UGGT2: variants seen among roughly 807,000 people sequenced by gnomAD.
The protein encoded by UGGT2 is UDP-glucose:glycoprotein glucosyltransferase 2.
Under a neutral mutation model 192.1 loss-of-function variants are expected in UGGT2, and 180 were observed. The ratio of observed to expected loss-of-function variants is 0.94; its 90% CI spans 0.83 to 1.06. The LOEUF (loss-of-function observed/expected upper bound fraction) is 1.06, where lower values mean the gene tolerates loss of function less well. Among genes scored for constraint, UGGT2 ranks in the 50% least tolerant of loss-of-function variants. The pLI is 0.00. For missense variants in UGGT2, 1,849 were observed against 1,795.7 expected, an observed-to-expected ratio of 1.03 and a Z score of -0.54; for synonymous variants, 580 against 591.0, an observed-to-expected ratio of 0.98 and a Z score of 0.27.
At chr13:95,911,426 A>C (rs570626068) in intron 20 of UGGT2, among the ~76,000 whole-genome samples, 5 of 152,324 alleles carry the variant, frequency 3.3e-5, no homozygotes, top group Non-Finnish European at 5.9e-5. Context: ...CCACAGAAAT[A>C]CAAACTACCA....
intron 15 of UGGT2, among the ~76,000 whole-genome samples, chr13:95,942,992 G>A (rs1462765742): frequency 6.6e-6 from 1 of 152,056 alleles, no homozygotes; most frequent in Non-Finnish European, 1.5e-5. Context: ...AGCCACTGTT[G>A]AACCACAGTT....
intron 20 of UGGT2, among the ~76,000 whole-genome samples, chr13:95,905,677 C>G: frequency 6.6e-6 from 1 of 152,072 alleles, no homozygotes; most frequent in Non-Finnish European, 1.5e-5. Flanking sequence ...GGTACCAGTA[C>G]CATGCTGTTT....
chr13:95,861,553 T>C (rs532785840), intron 31 of UGGT2, among the ~76,000 whole-genome samples: 1 of 152,194 alleles, frequency 6.6e-6, no homozygotes, highest in Non-Finnish European at 1.5e-5. Context: ...CATTTCATTT[T>C]TGTATAGGCC....
In UGGT2 at chr13:95,947,455, T is replaced by A. The variant is rs2049911492; in HGVS notation, c.1542-283A>T. ...AAAAAGGGTAAATATACTCTTTTTA[T>A]TTTTATTTTTTTTGAGACAAGAGTC... On this transcript the variant is annotated intron_variant, in intron 14 of 38. Coordinates refer to ENST00000376747, the MANE Select transcript of UGGT2 (RefSeq NM_020121.4). Among the ~76,000 whole-genome samples the A allele has an allele frequency of 3.7e-4, 4 of 10,724 alleles. No homozygotes were observed. The South Asian group carries it at 0.012, about 32-fold the overall frequency. 7.0% of individuals were successfully genotyped at this position (10,724 alleles called of 152,430 possible).
At chr13:95,833,165 T>C in intron 37 of UGGT2, 112 bp from the exon 38 acceptor site, 1 of 1,200,180 alleles carries the variant, frequency 8.3e-7, no homozygotes, top group Non-Finnish European at 1.1e-6. Flanking sequence ...AGAGTCCTAC[T>C]AAGTACTGGA....
At position 95,807,277 on chromosome 13, in the gene UGGT2, T is replaced by A. The variant is rs75450221; in HGVS notation, c.4529-5465A>T. On this transcript the variant is annotated intron_variant, in intron 38 of 38. Coordinates refer to ENST00000376747, the MANE Select transcript of UGGT2 (RefSeq NM_020121.4). ...CTCATTGTCTTCACATTCCGTAGGCTAAGGAAGAGGAGTTGTTAGTTTGGT... is the reference window on the plus strand; with the variant it reads ...CTCATTGTCTTCACATTCCGTAGGCAAAGGAAGAGGAGTTGTTAGTTTGGT... Among the ~76,000 whole-genome samples the A allele has an allele frequency of 5.3e-3, 810 of 152,180 alleles. 2 individuals carry two copies. The highest frequency in any genetic ancestry group is 0.034 in the East Asian group (174 of 5,176).
chr13:95,930,127 G>T (rs2049195683), intron 17 of UGGT2, among the ~76,000 whole-genome samples: 1 of 152,042 alleles, frequency 6.6e-6, no homozygotes, highest in African/African-American at 2.4e-5. Flanking sequence ...TTTTAATGGG[G>T]TTATTTATTC....
At chr13:95,894,489 T>G (rs1418529980) in intron 24 of UGGT2, 73 bp downstream of exon 24, 1 of 1,235,926 alleles carries the variant, frequency 8.1e-7, no homozygotes. Flanking sequence ...AATTTTACCA[T>G]GTTATGAAAA....
At chr13:95,873,673 G>C (rs1277955047) in intron 29 of UGGT2, among the ~76,000 whole-genome samples, 1 of 152,202 alleles carries the variant, frequency 6.6e-6, no homozygotes, top group Non-Finnish European at 1.5e-5. Context: ...TCCAGGATCT[G>C]TAAGTGATAA....
chr13:96,014,303 G>A (rs2052259131), intron 4 of UGGT2, among the ~76,000 whole-genome samples: 1 of 152,040 alleles, frequency 6.6e-6, no homozygotes, highest in Non-Finnish European at 1.5e-5. Context: ...TACTACCTTT[G>A]GATAACAAAT....
chr13:95,990,043 C>T lies in UGGT2; in HGVS notation c.861G>A (p.Leu287=), dbSNP rs372713290. The T allele has an allele frequency of 3.5e-5, 56 of 1,603,488 alleles. No homozygotes were observed. The highest frequency in any genetic ancestry group is 3.7e-5 in the Non-Finnish European group (43 of 1,174,786). ...KEIYSDLRDN[L]TAFQKYLIES... ...CAATCAGGTATTTTTGGAATGCTGTCAGATTATCTCTAAGATCTGAATATA... is the reference window on the plus strand; with the variant it reads ...CAATCAGGTATTTTTGGAATGCTGTTAGATTATCTCTAAGATCTGAATATA... Residue 287 remains leucine, a synonymous_variant, in exon 8 of 39, where the codon CTG becomes CTA. Transcript: ENST00000376747.
chr13:95,950,780 A>C (rs1191591291), intron 12 of UGGT2, among the ~76,000 whole-genome samples: 3 of 152,044 alleles, frequency 2.0e-5, no homozygotes, highest in Non-Finnish European at 4.4e-5. Flanking sequence ...TATAATTAAG[A>C]ACTCTAAGAA....
Position 95,833,062 on chromosome 13 carries a change from T to A in UGGT2, c.4402-9A>T, listed in dbSNP as rs746346693. ...GTTTTGGGATTATTGCACTAAAAGTTTAAGTAAATTTTGTTAATGAAAGAC... is the reference window on the plus strand; with the variant it reads ...GTTTTGGGATTATTGCACTAAAAGTATAAGTAAATTTTGTTAATGAAAGAC... On this transcript the variant is annotated splice_polypyrimidine_tract_variant and intron_variant, in intron 37 of 38. Transcript: ENST00000376747. 6.2e-7 allele frequency: 1 copy of A among 1,610,152 alleles called. No individual in the cohort carries two copies. The highest frequency in any genetic ancestry group is 8.5e-7 in the Non-Finnish European group (1 of 1,177,616).
intron 26 of UGGT2, among the ~76,000 whole-genome samples, chr13:95,885,739 A>C (rs73558628): frequency 0.017 from 2,533 of 152,346 alleles, 72 homozygotes; most frequent in African/African-American, 0.058. Context: ...TAAATGTTCA[A>C]AACAAATTCT....
At chr13:95,941,245 T>A (rs964694543) in intron 15 of UGGT2, among the ~76,000 whole-genome samples, 3 of 152,234 alleles carry the variant, frequency 2.0e-5, no homozygotes, top group African/African-American at 7.2e-5. Flanking sequence ...TGGTCCCAAT[T>A]TACTTATGTC....
chr13:95,812,277 A>G (rs1360557197), intron 38 of UGGT2, among the ~76,000 whole-genome samples: 2 of 152,208 alleles, frequency 1.3e-5, no homozygotes, highest in Admixed American at 6.5e-5. Flanking sequence ...AACCATTTAA[A>G]AATGTAAAAA....
intron 28 of UGGT2, 74 bp downstream of exon 28, chr13:95,877,624 T>A: frequency 6.7e-7 from 1 of 1,497,128 alleles, no homozygotes; most frequent in Non-Finnish European, 9.0e-7. Flanking sequence ...TAAAGATTAT[T>A]TCATTTTACT....
At chr13:95,815,563 A>C (rs1358202738) in intron 38 of UGGT2, among the ~76,000 whole-genome samples, 4 of 152,222 alleles carry the variant, frequency 2.6e-5, no homozygotes, top group African/African-American at 7.2e-5. Flanking sequence ...AAAGACCAAA[A>C]TAAATCAAGA....
chr13:96,029,117 C>A (rs2052753757), intron 2 of UGGT2, among the ~76,000 whole-genome samples: 1 of 152,124 alleles, frequency 6.6e-6, no homozygotes, highest in South Asian at 2.1e-4. Context: ...TGCCACTGAA[C>A]TCCAGCCTGG....
Sources: allele counts gnomAD v4.1 joint callset (sites outside exome capture counted in the v4.1 genomes callset), GRCh38; gene constraint gnomAD v4.1.1; transcripts MANE v1.5; gene names NCBI Gene and HGNC (gene_info 2026-07-23, HGNC 2026-07-21).